The following CUBN variants were observed in gnomAD, a reference collection of about 807,000 sequenced individuals.
CUBN encodes the protein cubilin.
CUBN carries 282 observed loss-of-function variants against 405.3 expected under a neutral mutation model. The observed-to-expected ratio is 0.70, with a 90% confidence interval of 0.63 to 0.77. The LOEUF (loss-of-function observed/expected upper bound fraction) is 0.77. Among genes scored for constraint, CUBN ranks in the 30% least tolerant of loss-of-function variants. CUBN has a pLI of 0.00. For missense variants in CUBN, 4,514 were observed against 4,475.2 expected, an observed-to-expected ratio of 1.01 and a Z score of -0.25; for synonymous variants, 1,684 against 1,617.0, an observed-to-expected ratio of 1.04 and a Z score of -0.99.
At chr10:17,092,476 T>C (rs895353832) in intron 14 of CUBN, among the ~76,000 whole-genome samples, 3 of 152,100 alleles carry the variant, frequency 2.0e-5, no homozygotes, top group South Asian at 2.1e-4. Flanking sequence ...CGGGATGAGA[T>C]AGGAGGTCGG....
intron 5 of CUBN, 160 bp downstream of exon 5, chr10:17,123,428 C>T: frequency 1.4e-6 from 1 of 697,438 alleles, no homozygotes; most frequent in Non-Finnish European, 2.6e-6. Flanking sequence ...ATCATACTCA[C>T]CACTGTTTGG....
At chr10:16,926,890 C>T (rs552634860) in intron 41 of CUBN, among the ~76,000 whole-genome samples, 8 of 151,760 alleles carry the variant, frequency 5.3e-5, no homozygotes, top group Middle Eastern at 3.4e-3. Flanking sequence ...GGATGAATTG[C>T]ATACTGGTGA....
rs77465243 is a variant in CUBN at position 17,019,477 on chromosome 10, T to C, written c.4168+356A>G. 3.3e-5 allele frequency among the ~76,000 whole-genome samples: 5 copies of C among 152,284 alleles called. No homozygotes were observed. The East Asian group carries it at 9.7e-4, about 29-fold the overall frequency. On this transcript the variant is annotated intron_variant, in intron 28 of 66. Coordinates refer to ENST00000377833, the MANE Select transcript of CUBN (RefSeq NM_001081.4). ...AGGTGAGCCTTAAGTCTCATTCTAT[T>C]CCATTGCACCTGAGATACTCCCACC... is the stretch of plus-strand genomic sequence containing the variant.
intron 28 of CUBN, among the ~76,000 whole-genome samples, chr10:17,010,723 C>A (rs894074759): frequency 6.6e-6 from 1 of 152,116 alleles, no homozygotes; most frequent in Admixed American, 6.5e-5. Flanking sequence ...GTTATCACAA[C>A]TCATTTACTT....
chr10:16,928,048 C>T (rs1466296181), intron 41 of CUBN, 109 bp downstream of exon 41: 9 of 1,271,272 alleles, frequency 7.1e-6, no homozygotes, highest in South Asian at 1.2e-5. Flanking sequence ...TGTCCTCTGA[C>T]TTGTCTTGTG....
chr10:16,839,105 G>A (rs571480746), intron 62 of CUBN, among the ~76,000 whole-genome samples: 2 of 152,266 alleles, frequency 1.3e-5, no homozygotes, highest in East Asian at 3.9e-4. Context: ...CATGGTCCAT[G>A]GAGTTCTGGT....
chr10:16,882,289 A>G (rs1217031114), intron 56 of CUBN, among the ~76,000 whole-genome samples: 1 of 152,226 alleles, frequency 6.6e-6, no homozygotes, highest in African/African-American at 2.4e-5. Context: ...GTCTTCAACA[A>G]GTGATTTGAT....
At chr10:17,129,039 G>T (rs768509621) in intron 2 of CUBN, 82 bp downstream of exon 2, 2 of 1,066,786 alleles carry the variant, frequency 1.9e-6, no homozygotes, top group African/African-American at 3.2e-5. Flanking sequence ...AAGATTCAAG[G>T]TACAGATTAA....
intron 31 of CUBN, among the ~76,000 whole-genome samples, chr10:16,961,944 C>G (rs896141325): frequency 6.6e-6 from 1 of 151,842 alleles, no homozygotes. Flanking sequence ...CATCTCCTGA[C>G]CTCGTGATCC....
At chr10:17,071,649 A>AGG (rs1835743051) in intron 18 of CUBN, 45 bp from the exon 19 acceptor site, 11 of 1,579,136 alleles carry the variant, frequency 7.0e-6, no homozygotes, top group Non-Finnish European at 9.6e-6. Flanking sequence ...GATATTAATA[A>AGG]TTTTATCTCA....
chr10:16,898,980 G>A lies in CUBN; in HGVS notation c.8598+16C>T. 6.3e-7 allele frequency: 1 copy of A among 1,575,608 alleles called. No homozygotes were observed. The highest frequency in any genetic ancestry group is 8.7e-7 in the Non-Finnish European group (1 of 1,144,894). On this transcript the variant is annotated intron_variant, in intron 54 of 66. Transcript: ENST00000377833. ...AAAACCAACTTGGCTCCAATTAAAT[G>A]AACAAGTGTACTAACCTTCACGAAG... is the stretch of plus-strand genomic sequence containing the variant.
intron 28 of CUBN, among the ~76,000 whole-genome samples, chr10:17,008,625 G>C (rs887348475): frequency 3.9e-4 from 59 of 151,916 alleles, no homozygotes; most frequent in African/African-American, 1.3e-3. Context: ...TCCTTATCCT[G>C]CTTGCCTAGT....
At chr10:16,858,123 T>C (rs978218526) in intron 59 of CUBN, among the ~76,000 whole-genome samples, 1 of 152,118 alleles carries the variant, frequency 6.6e-6, no homozygotes, top group East Asian at 1.9e-4. Flanking sequence ...GCTTATGTGA[T>C]GAAAATTACA....
At chr10:16,836,937 G>A (rs564205656) in intron 62 of CUBN, among the ~76,000 whole-genome samples, 5 of 152,228 alleles carry the variant, frequency 3.3e-5, no homozygotes, top group South Asian at 2.1e-4. Flanking sequence ...AAATGCAGTC[G>A]AATGCCCATC....
chr10:16,921,928 C>T (rs1207177326), intron 43 of CUBN, among the ~76,000 whole-genome samples: 1 of 152,196 alleles, frequency 6.6e-6, no homozygotes, highest in Admixed American at 6.5e-5. Flanking sequence ...GAACTTGTCT[C>T]AAATGAACAT....
At chr10:16,943,820 G>T (rs1472360462) in intron 36 of CUBN, among the ~76,000 whole-genome samples, 1 of 152,222 alleles carries the variant, frequency 6.6e-6, no homozygotes, top group African/African-American at 2.4e-5. Context: ...ATTACAAAGT[G>T]AAGGTCTTTT....
At chr10:16,900,540 T>C (rs1248311796) in intron 53 of CUBN, 85 bp downstream of exon 53, 2 of 1,073,140 alleles carry the variant, frequency 1.9e-6, no homozygotes, top group African/African-American at 3.1e-5. Context: ...AAGCCTGATG[T>C]AAAGTAGGTA....
intron 54 of CUBN, among the ~76,000 whole-genome samples, chr10:16,895,255 T>C (rs757787238): frequency 6.6e-6 from 1 of 152,146 alleles, no homozygotes; most frequent in South Asian, 2.1e-4. Flanking sequence ...CAGGATATGA[T>C]CTACCTTGGA....
intron 22 of CUBN, among the ~76,000 whole-genome samples, chr10:17,055,771 G>A (rs1835379788): frequency 6.6e-6 from 1 of 152,096 alleles, no homozygotes; most frequent in Non-Finnish European, 1.5e-5. Flanking sequence ...GGAAATGAAG[G>A]AAGATCTGAA....
Sources: allele counts gnomAD v4.1 joint callset (sites outside exome capture counted in the v4.1 genomes callset), GRCh38; gene constraint gnomAD v4.1.1; transcripts MANE v1.5; gene names NCBI Gene and HGNC (gene_info 2026-07-23, HGNC 2026-07-21).